The following BANK1 variants were observed in gnomAD, a reference collection of about 807,000 sequenced individuals.
The protein encoded by BANK1 is B-cell scaffold protein with ankyrin repeats.
BANK1 carries 95 observed loss-of-function variants against 94.5 expected under a neutral mutation model. That is an observed-to-expected ratio of 1.00 (90% CI 0.85 to 1.19). The LOEUF (loss-of-function observed/expected upper bound fraction) is 1.19. Among genes scored for constraint, BANK1 ranks in the 50% most tolerant of loss-of-function variants. BANK1 has a pLI of 0.00. For synonymous variants in BANK1, 334 were observed against 308.4 expected (o/e 1.08, Z -0.87); for missense variants, 987 against 932.2 (o/e 1.06, Z -0.77).
At chr4:102,071,159 G>A in intron 13 of BANK1, 116 bp from the exon 14 acceptor site, 2 of 1,193,816 alleles carry the variant, frequency 1.7e-6, no homozygotes, top group South Asian at 1.3e-5. Context: ...CAGAATGTGA[G>A]ATTTCATAGC....
At chr4:101,973,056 GT>G (rs150886474) in intron 7 of BANK1, among the ~76,000 whole-genome samples, 13 of 146,832 alleles carry the variant, frequency 8.9e-5, no homozygotes, top group East Asian at 2.0e-4. Context: ...ATCTGTGGTG[GT>G]TTTTTTTTTA....
chr4:102,028,934 A>T (rs1727191839), intron 9 of BANK1, among the ~76,000 whole-genome samples: 1 of 150,112 alleles, frequency 6.7e-6, no homozygotes, highest in Non-Finnish European at 1.5e-5. Context: ...TTTATTTTTG[A>T]GGCACGATCT....
chr4:101,852,251 T>C (rs529242954), intron 2 of BANK1, among the ~76,000 whole-genome samples: 1 of 151,926 alleles, frequency 6.6e-6, no homozygotes, highest in Admixed American at 6.6e-5. Context: ...AATAGATACA[T>C]GTTCTCAGTC....
At chr4:101,961,764 A>G (rs1025526659) in intron 7 of BANK1, among the ~76,000 whole-genome samples, 2 of 152,196 alleles carry the variant, frequency 1.3e-5, no homozygotes, top group Non-Finnish European at 2.9e-5. Flanking sequence ...AAGTAAATAC[A>G]GCCCTTTCAG....
At chr4:101,989,502 A>G (rs1229514764) in intron 7 of BANK1, among the ~76,000 whole-genome samples, 1 of 151,628 alleles carries the variant, frequency 6.6e-6, no homozygotes, top group South Asian at 2.1e-4. Context: ...TAATATTGAT[A>G]CACTATTATT....
intron 7 of BANK1, among the ~76,000 whole-genome samples, chr4:101,947,993 A>G (rs1333965408): frequency 6.6e-6 from 1 of 152,108 alleles, no homozygotes; most frequent in East Asian, 1.9e-4. Flanking sequence ...AAACATGAAT[A>G]TGTCCTTAAT....
At chr4:101,883,406 A>G (rs944038731) in intron 5 of BANK1, among the ~76,000 whole-genome samples, 4 of 152,316 alleles carry the variant, frequency 2.6e-5, no homozygotes, top group South Asian at 2.1e-4. Flanking sequence ...TTTAAATCTT[A>G]TAAGTCATCT....
chr4:101,959,719 G>A (rs1309509717), intron 7 of BANK1, among the ~76,000 whole-genome samples: 2 of 152,216 alleles, frequency 1.3e-5, no homozygotes, highest in African/African-American at 2.4e-5. Context: ...CAGAATAGAA[G>A]TGATGCCTGC....
chr4:102,073,376 A>C (rs939864791), intron 15 of BANK1, among the ~76,000 whole-genome samples: 5 of 152,002 alleles, frequency 3.3e-5, no homozygotes, highest in Admixed American at 1.3e-4. Context: ...TAAGAGCTGA[A>C]GGATTGCACA....
At chr4:101,943,619 T>C (rs868457622) in intron 7 of BANK1, among the ~76,000 whole-genome samples, 13 of 151,784 alleles carry the variant, frequency 8.6e-5, no homozygotes, top group African/African-American at 3.1e-4. Flanking sequence ...TTAGGACAGA[T>C]TGAGTTGAAA....
intron 2 of BANK1, among the ~76,000 whole-genome samples, chr4:101,837,484 T>C (rs964955386): frequency 6.6e-6 from 1 of 152,224 alleles, no homozygotes; most frequent in Admixed American, 6.5e-5. Flanking sequence ...TTTTATTTTG[T>C]CCCAAAGAGT....
chr4:102,013,322 C>T (rs900041358), intron 7 of BANK1, among the ~76,000 whole-genome samples: 1 of 152,104 alleles, frequency 6.6e-6, no homozygotes, highest in Non-Finnish European at 1.5e-5. Flanking sequence ...CCTTCTGAGT[C>T]AGCACTGGTC....
At chr4:101,909,754 A>G (rs1156915215) in intron 6 of BANK1, among the ~76,000 whole-genome samples, 1 of 152,200 alleles carries the variant, frequency 6.6e-6, no homozygotes, top group Non-Finnish European at 1.5e-5. Context: ...AACATATATA[A>G]AAATATCACA....
At chr4:102,060,790 A>G (rs933637906) in intron 12 of BANK1, among the ~76,000 whole-genome samples, 5 of 152,330 alleles carry the variant, frequency 3.3e-5, no homozygotes, top group Middle Eastern at 3.4e-3. Flanking sequence ...ATAAAATGCA[A>G]TAAGTATTTA....
At chr4:101,794,954 A>G (rs1177773155) in intron 1 of BANK1, among the ~76,000 whole-genome samples, 2 of 152,044 alleles carry the variant, frequency 1.3e-5, no homozygotes, top group East Asian at 1.9e-4. Context: ...ATTTTCCCAT[A>G]TTATTAATTC....
intron 1 of BANK1, among the ~76,000 whole-genome samples, chr4:101,817,162 G>T (rs947317492): frequency 4.6e-5 from 7 of 152,190 alleles, no homozygotes; most frequent in African/African-American, 1.7e-4. Context: ...CCATCTAATG[G>T]TGAGATTCAA....
intron 7 of BANK1, among the ~76,000 whole-genome samples, chr4:101,973,852 T>A (rs965934245): frequency 2.0e-5 from 3 of 152,108 alleles, no homozygotes; most frequent in African/African-American, 4.8e-5. Context: ...GTCCTTTTTT[T>A]AAATGGCAAA....
chr4:101,992,647 C>A (rs976497399), intron 7 of BANK1, among the ~76,000 whole-genome samples: 1 of 152,084 alleles, frequency 6.6e-6, no homozygotes, highest in Non-Finnish European at 1.5e-5. Context: ...TAATTCTGCA[C>A]ACAACTTCTC....
chr4:101,839,002 G>T (rs1726932650), intron 2 of BANK1, among the ~76,000 whole-genome samples: 1 of 152,176 alleles, frequency 6.6e-6, no homozygotes, highest in South Asian at 2.1e-4. Flanking sequence ...AATAGAGTGA[G>T]AAACTTATAT....
Sources: allele counts gnomAD v4.1 joint callset (sites outside exome capture counted in the v4.1 genomes callset), GRCh38; gene constraint gnomAD v4.1.1; transcripts MANE v1.5; gene names NCBI Gene and HGNC (gene_info 2026-07-23, HGNC 2026-07-21).